Variants in PDE4DIP observed in about 807,000 individuals in gnomAD.
PDE4DIP encodes phosphodiesterase 4D interacting protein, also known as myomegalin.
Under a neutral mutation model 221.4 loss-of-function variants are expected in PDE4DIP, and 59 were observed. The observed-to-expected ratio is 0.27, with a 90% confidence interval of 0.22 to 0.33. The LOEUF (loss-of-function observed/expected upper bound fraction) is 0.33. Ranked by LOEUF, PDE4DIP falls within the 10% of genes least tolerant of loss-of-function variation. PDE4DIP has a pLI of 1.00. For synonymous variants in PDE4DIP, 404 were observed against 815.9 expected, an observed-to-expected ratio of 0.50 and a Z score of 8.60; for missense variants, 1,036 against 2,154.2, an observed-to-expected ratio of 0.48 and a Z score of 10.28.
chr1:148,963,504 C>T (rs1553514649), intron 9 of PDE4DIP, among the ~76,000 whole-genome samples: 1 of 151,076 alleles, frequency 6.6e-6, no homozygotes, highest in Non-Finnish European at 1.5e-5. Context: ...TGGGGTCCTA[C>T]AGGAATATCT....
intron 5 of PDE4DIP, chr1:148,953,039 G>C (rs1553493382): frequency 6.2e-7 from 1 of 1,614,216 alleles, no homozygotes; most frequent in Admixed American, 1.7e-5. Flanking sequence ...ACTGGAGAAG[G>C]ATCGCCTCAA....
At chr1:148,899,326 T>TTAATTAGGTA (rs1553445327) in intron 1 of PDE4DIP, among the ~76,000 whole-genome samples, 3 of 119,976 alleles carry the variant, frequency 2.5e-5, no homozygotes, top group Non-Finnish European at 5.1e-5. Context: ...TTAATAAACA[T>TTAATTAGGTA]TAATTAGGTA....
chr1:149,018,231 C>G (rs1450815075), intron 34 of PDE4DIP: 3 of 411,302 alleles, frequency 7.3e-6, no homozygotes, highest in African/African-American at 5.9e-5. Flanking sequence ...TCTCCTTACA[C>G]TCTCCTTCCA....
At chr1:149,022,225 A>G (rs1448050855) in intron 37 of PDE4DIP, among the ~76,000 whole-genome samples, 2 of 143,322 alleles carry the variant, frequency 1.4e-5, no homozygotes, top group Admixed American at 7.0e-5. Context: ...TGTCTAAAAT[A>G]TTGTTAGATT....
chr1:148,975,685 C>G (rs1176410091), intron 17 of PDE4DIP, among the ~76,000 whole-genome samples: 11 of 152,002 alleles, frequency 7.2e-5, no homozygotes, highest in Non-Finnish European at 1.5e-4. Context: ...GCATATTCAA[C>G]TATGATGTTG....
rs587642335 is a variant in PDE4DIP, at chr1:148,977,956, A to G, written c.2339A>G (p.Gln780Arg). 1.5e-4 allele frequency: 244 copies of G among 1,614,034 alleles called. 4 individuals carry two copies. In the South Asian group the frequency reaches 2.3e-3, roughly 15 times the overall value. The stretch of plus-strand genomic sequence containing the variant: ...TCACAGATGGAACTTTCTGCTCTAC[A>G]GTCCATGATGGCTGTGCAGGAAGAA... The change falls in exon 18 of 44, where the codon CAG becomes CGG. Residue 780 changes from glutamine to arginine, a missense_variant. Gln to Arg is a conservative substitution (Grantham distance 43). Coordinates refer to ENST00000369354, the Ensembl canonical transcript of PDE4DIP.
At chr1:148,975,779 TC>T (rs1458949414) in intron 17 of PDE4DIP, among the ~76,000 whole-genome samples, 1 of 152,136 alleles carries the variant, frequency 6.6e-6, no homozygotes, top group Admixed American at 6.5e-5. Flanking sequence ...TTTTAGAAGA[TC>T]ACTCAATGTC....
At position 149,030,748 on chromosome 1, in the gene PDE4DIP, T is replaced by A. The variant is rs1458922112; in HGVS notation, c.6999+470T>A. 4.1e-6 allele frequency: 4 copies of A among 985,196 alleles called. No individual in the cohort carries two copies. In the African/African-American group the frequency reaches 7.0e-5, roughly 17 times the overall value. The allele number at this position is 985,196 out of a possible 1,614,324, so 61.0% of individuals were successfully genotyped here. On this transcript the variant is annotated intron_variant, in intron 43 of 43. Transcript: ENST00000369354. Reference sequence around the variant, plus strand: ...TCCCGGGTTAAGAACAGCAATTTGATTTTGCTATATCTTTAAGTAACATGA... The same window carrying A: ...TCCCGGGTTAAGAACAGCAATTTGAATTTGCTATATCTTTAAGTAACATGA...
intron 32 of PDE4DIP, among the ~76,000 whole-genome samples, chr1:149,013,625 C>T (rs1553607753): frequency 1.1e-5 from 1 of 92,450 alleles, no homozygotes. Context: ...TTGTCAGGCA[C>T]TTTCTGTGCC....
intron 17 of PDE4DIP, among the ~76,000 whole-genome samples, chr1:148,976,320 T>C (rs1409688097): frequency 1.3e-5 from 2 of 152,236 alleles, no homozygotes; most frequent in African/African-American, 4.8e-5. Context: ...AAAGATATTA[T>C]AGCCTAGTGG....
At chr1:148,975,683 A>C (rs1553536966) in intron 17 of PDE4DIP, among the ~76,000 whole-genome samples, 3 of 152,032 alleles carry the variant, frequency 2.0e-5, no homozygotes, top group African/African-American at 7.3e-5. Context: ...TTGCATATTC[A>C]ACTATGATGT....
In PDE4DIP at chr1:148,865,214, G is replaced by A. The variant is rs1233986560; in HGVS notation, c.289+1909G>A. Among the ~76,000 whole-genome samples, 703 of 125,068 alleles carry A rather than the reference G, an allele frequency of 5.6e-3. 5 individuals are homozygous for A. The highest frequency in any genetic ancestry group is 0.026 in the South Asian group (103 of 3,974). The allele number at this position is 125,068 out of a possible 152,430, so 82.0% of individuals were successfully genotyped here. The stretch of plus-strand genomic sequence containing the variant: ...AGCAATTCTCCTGCCTCAGCCTCCC[G>A]AGTAGCTGGGATTACATGCGCTTGC... On this transcript the variant is annotated intron_variant, in intron 2 of 45. Coordinates refer to the PDE4DIP transcript ENST00000524974.
At position 149,029,174 on chromosome 1, in the gene PDE4DIP, G is replaced by T. The variant is rs587755796; in HGVS notation, c.6813+471G>T. Among the ~76,000 whole-genome samples, 493 of 152,218 alleles carry T rather than the reference G, an allele frequency of 3.2e-3. 1 individual carries two copies. The highest frequency in any genetic ancestry group is 6.8e-3 in the Middle Eastern group (2 of 294). ...CATACAACTTAAGCTGGCATCGCTG[G>T]ACCAGGCCTGGGGAAAGTCAGCCAC... On this transcript the variant is annotated intron_variant, in intron 41 of 43. Transcript: ENST00000369354.
chr1:148,953,656 T>C, intron 5 of PDE4DIP: 1 of 1,437,700 alleles, frequency 7.0e-7, no homozygotes. Flanking sequence ...AATTAGCTCT[T>C]AGCATGATTA....
chr1:148,984,858 T>C (rs1301950965), intron 21 of PDE4DIP: 1 of 152,114 alleles, frequency 6.6e-6, no homozygotes, highest in African/African-American at 2.4e-5. Context: ...AGGATAAACT[T>C]GTTTTCTCGT....
At chr1:148,936,683 A>T (rs1331349403) in intron 4 of PDE4DIP, among the ~76,000 whole-genome samples, 3 of 152,206 alleles carry the variant, frequency 2.0e-5, no homozygotes, top group Non-Finnish European at 4.4e-5. Flanking sequence ...CTTATTCTAG[A>T]AAAGGTTTAT....
chr1:148,968,861 A>G lies in PDE4DIP; in HGVS notation c.1811A>G (p.Lys604Arg), dbSNP rs782678400. 3 of 1,613,068 alleles carry G rather than the reference A, an allele frequency of 1.9e-6. No homozygotes were observed. The African/African-American group carries it at 4.0e-5, about 22-fold the overall frequency. The change falls in exon 14 of 44, where the codon AAA (lysine) becomes AGA (arginine). Residue 604 changes from lysine to arginine, a missense_variant. Physicochemically the swap from Lys to Arg is conservative, Grantham distance 26 (BLOSUM62 2). Transcript: ENST00000369354. ...GATCTTAGTGCAACACTGCTCTGCA[A>G]ACTTGGACCAGGGCAGAGTGAGATA...
At chr1:148,953,979 G>A (rs1351651753) in intron 5 of PDE4DIP, 2 of 812,164 alleles carry the variant, frequency 2.5e-6, no homozygotes, top group Admixed American at 4.6e-5. Context: ...TTTCGGTCTA[G>A]GTGGAGGTTA....
At chr1:148,859,315 T>C (rs1682946056) in intron 1 of PDE4DIP, among the ~76,000 whole-genome samples, 1 of 149,058 alleles carries the variant, frequency 6.7e-6, no homozygotes, top group Non-Finnish European at 1.5e-5. Flanking sequence ...TTGAGTCTAA[T>C]ATCTTAATAG....
Sources: gnomAD v4.1 joint callset for allele counts (sites outside exome capture counted in the v4.1 genomes callset) on GRCh38, gnomAD v4.1.1 for gene constraint, MANE v1.5 for transcripts, NCBI Gene and HGNC (gene_info 2026-07-23, HGNC 2026-07-21) for gene names.